PDE2A: variants seen among roughly 807,000 people sequenced by gnomAD.
The protein encoded by PDE2A is cGMP-dependent 3',5'-cyclic phosphodiesterase.
A neutral mutation model predicts 133.6 loss-of-function variants in PDE2A; 53 were observed. The ratio of observed to expected loss-of-function variants is 0.40; its 90% CI spans 0.32 to 0.50. The LOEUF (loss-of-function observed/expected upper bound fraction) is 0.50. PDE2A is among the 20% of genes least tolerant of loss of function. PDE2A has a pLI of 0.73. For missense variants in PDE2A, 796 were observed against 1,232.4 expected, an observed-to-expected ratio of 0.65 and a Z score of 5.30; for synonymous variants, 491 against 490.2, an observed-to-expected ratio of 1.00 and a Z score of -0.02.
rs3741159 is a variant in PDE2A at position 72,578,714 on chromosome 11, C to G, written c.2469+183G>C. 6.6e-5 allele frequency among the ~76,000 whole-genome samples: 10 copies of G among 152,338 alleles called. No homozygotes were observed. The East Asian group carries it at 1.9e-3, about 29-fold the overall frequency. On this transcript the variant is annotated intron_variant, in intron 28 of 30. Transcript: ENST00000334456. This position sits in a 1 kb window ranked among gnomAD's most constrained non-coding sequence, Gnocchi z 4.2. The stretch of plus-strand genomic sequence containing the variant: ...GTTGGGGCCCACCTTCCACCAGCCA[C>G]TGACTTGCTAGGTCTGTTCCCCTCT...
chr11:72,589,979 C>CT lies in PDE2A; in HGVS notation c.758_759insA (p.Gln254AlafsTer73), dbSNP rs780536684. ...AGCGGGATGCCCGGGTCTCCTGCTG[C>CT]AGCTGAGAGAGGGACAGGCAGGGCG... On this transcript the variant is annotated frameshift_variant and splice_region_variant, in exon 10 of 31. Transcript: ENST00000334456. LOFTEE classifies it high-confidence loss of function. 5 of 1,611,472 alleles carry CT rather than the reference C, an allele frequency of 3.1e-6. No individual in the cohort carries two copies. Among genetic ancestry groups the CT allele is most frequent in the African/African-American group, 1.3e-5 (1 of 74,886 alleles).
At chr11:72,644,511 A>G (rs1271269049) in intron 1 of PDE2A, among the ~76,000 whole-genome samples, 1 of 152,218 alleles carries the variant, frequency 6.6e-6, no homozygotes, top group African/African-American at 2.4e-5. Flanking sequence ...AGCATGTGTC[A>G]CTGGCTCAGT....
At chr11:72,581,214 A>G (rs2135274876) in intron 23 of PDE2A, 143 bp downstream of exon 23, 1 of 862,562 alleles carries the variant, frequency 1.2e-6, no homozygotes. Flanking sequence ...GATGGGGCTC[A>G]CAGCCTTCCC....
intron 1 of PDE2A, chr11:72,668,488 C>T (rs1399272265): frequency 1.0e-5 from 7 of 702,512 alleles, no homozygotes; most frequent in Non-Finnish European, 1.8e-5. Flanking sequence ...CTCCTACCTG[C>T]ACCCCCCAAC....
At chr11:72,585,828 T>C (rs2280098) in intron 14 of PDE2A, among the ~76,000 whole-genome samples, 60,973 of 152,210 alleles carry the variant, frequency 0.4, 14,340 homozygotes, top group Middle Eastern at 0.57. Flanking sequence ...ACGCCAGCTC[T>C]AGCTGCCTAG....
chr11:72,637,868 C>T (rs999891043), intron 2 of PDE2A, among the ~76,000 whole-genome samples: 5 of 152,146 alleles, frequency 3.3e-5, no homozygotes, highest in Non-Finnish European at 7.3e-5. Context: ...TGTAGCTTCT[C>T]GTCATTTACC....
Position 72,637,473 on chromosome 11 carries a change from A to C in PDE2A, c.144+4781T>G, listed in dbSNP as rs369409538. ...CACCTAGGAAGTCCTGGAAGTACAC[A>C]TGTGTGACTCAGACAGGAAGGGCAC... On this transcript the variant is annotated intron_variant, in intron 2 of 30. Transcript: ENST00000334456. Among the ~76,000 whole-genome samples the C allele has an allele frequency of 1.5e-4, 23 of 152,360 alleles. 1 individual carries two copies. In the South Asian group the frequency reaches 4.3e-3, roughly 29 times the overall value.
chr11:72,625,773 C>T (rs1858028022), intron 2 of PDE2A, among the ~76,000 whole-genome samples: 1 of 152,214 alleles, frequency 6.6e-6, no homozygotes, highest in Non-Finnish European at 1.5e-5. Flanking sequence ...CCTCCTAGCC[C>T]CACAGACTCC....
At chr11:72,631,166 G>A (rs377473221) in intron 2 of PDE2A, 8 of 1,525,120 alleles carry the variant, frequency 5.2e-6, no homozygotes, top group African/African-American at 2.8e-5. Context: ...GTCAGGGGCT[G>A]AGGCCGGCCA....
chr11:72,644,551 A>G (rs903436110), intron 1 of PDE2A, among the ~76,000 whole-genome samples: 6 of 152,158 alleles, frequency 3.9e-5, no homozygotes, highest in African/African-American at 1.4e-4. Context: ...TGGGTGAGAT[A>G]CAGGTGCCCG....
intron 2 of PDE2A, among the ~76,000 whole-genome samples, chr11:72,612,681 G>A (rs1478419645): frequency 7.0e-6 from 1 of 142,852 alleles, no homozygotes; most frequent in African/African-American, 2.5e-5. Flanking sequence ...AGGGATGGTG[G>A]ATGGATGGGT....
chr11:72,585,299 G>T, intron 16 of PDE2A, 72 bp downstream of exon 16: 2 of 1,264,204 alleles, frequency 1.6e-6, no homozygotes, highest in Non-Finnish European at 2.3e-6. Flanking sequence ...AAGTGGGTGG[G>T]GCAGGAAAGG....
At position 72,614,383 on chromosome 11, in the gene PDE2A, G is replaced by A. The variant is rs561161283; in HGVS notation, c.145-5632C>T. On this transcript the variant is annotated intron_variant, in intron 2 of 30. Transcript: ENST00000334456. ...AGGAGGCAAGACAGAGACCCAGAAC[G>A]CAGCTGAACTAGCCCAACTGTCAGT... 8.5e-5 allele frequency among the ~76,000 whole-genome samples: 13 copies of A among 152,306 alleles called. 1 individual carries two copies. The highest frequency in any genetic ancestry group is 2.1e-4 in the South Asian group (1 of 4,828).
In PDE2A at chr11:72,579,627, T is replaced by G; in HGVS notation, c.2182-19A>C. The G allele has an allele frequency of 6.3e-7, 1 of 1,589,108 alleles. No homozygotes were observed. On this transcript the variant is annotated intron_variant, in intron 25 of 30. Transcript: ENST00000334456. ...GGTGCCTCTGGGGGGAGAGGAGTGA[T>G]GGGGGCCCAGCTGGGGCAGATGGGC... is the stretch of plus-strand genomic sequence containing the variant.
At position 72,597,441 on chromosome 11, in the gene PDE2A, A is replaced by T. The variant is rs1591044500; in HGVS notation, c.433+69T>A. On this transcript the variant is annotated intron_variant, in intron 5 of 30. Coordinates refer to ENST00000334456, the MANE Select transcript of PDE2A (RefSeq NM_002599.5). This position sits in a 1 kb window ranked among gnomAD's most constrained non-coding sequence, Gnocchi z 4.6. ...TGAAGAGGAATAGAAGACACACATGACCTGGAGTGCAGGGGCCACAGTCCC... is the reference window on the plus strand; with the variant it reads ...TGAAGAGGAATAGAAGACACACATGTCCTGGAGTGCAGGGGCCACAGTCCC... 2 of 848,124 alleles carry T rather than the reference A, an allele frequency of 2.4e-6. No homozygotes were observed. Among genetic ancestry groups the T allele is most frequent in the East Asian group, 4.9e-5 (2 of 41,088 alleles). The allele number at this position is 848,124 out of a possible 1,614,324, so 52.5% of individuals were successfully genotyped here. A position where few individuals can be genotyped will look rare whatever the true frequency, so the allele number is the denominator to read the frequency against.
intron 2 of PDE2A, among the ~76,000 whole-genome samples, chr11:72,610,070 T>C (rs1181530575): frequency 6.6e-6 from 1 of 152,076 alleles, no homozygotes; most frequent in Admixed American, 6.6e-5. Context: ...GGAGGCGACC[T>C]ATGAAACGAG....
At chr11:72,627,594 G>A (rs1858146729) in intron 2 of PDE2A, among the ~76,000 whole-genome samples, 1 of 152,220 alleles carries the variant, frequency 6.6e-6, no homozygotes, top group East Asian at 1.9e-4. Flanking sequence ...GGGCATAAGG[G>A]GACACAAGGG....
chr11:72,661,779 T>G (rs997455272), intron 1 of PDE2A, among the ~76,000 whole-genome samples: 1 of 152,244 alleles, frequency 6.6e-6, no homozygotes. Flanking sequence ...CAAGTGCAAG[T>G]GCTTCCCTGC....
In PDE2A at chr11:72,584,584, T is replaced by C. The variant is rs1331064542; in HGVS notation, c.1504A>G (p.Ile502Val). Residue 502 changes from isoleucine (I) to valine (V), a missense_variant, in exon 18 of 31, where the codon ATC becomes GTC. By Grantham distance (29) the Ile-to-Val change is conservative. Around this residue, in one of 7 missense-constraint regions of PDE2A, gnomAD observed 218 missense variants for 465.9 expected, o/e 0.47. Coordinates refer to ENST00000334456, the MANE Select transcript of PDE2A (RefSeq NM_002599.5). Reference protein sequence around the residue: ...DDSTGFRTRNILCFPIKNENQ... With the variant: ...DDSTGFRTRNVLCFPIKNENQ... ...TCGTTCTTGATGGGGAAGCAGAGGA[T>C]GTTGCGCGTGCGGAAGCCGGTGCTG... 14 of 1,612,156 alleles carry C rather than the reference T, an allele frequency of 8.7e-6. No individual in the cohort carries two copies. Among genetic ancestry groups the C allele is most frequent in the Non-Finnish European group, 1.2e-5 (14 of 1,179,916 alleles).
Sources: gnomAD v4.1 joint callset for allele counts (sites outside exome capture counted in the v4.1 genomes callset) on GRCh38, gnomAD v4.1.1 for gene constraint, gnomAD v4.1.1 regional missense constraint, Gnocchi (gnomAD v3.1) non-coding constraint, MANE v1.5 for transcripts, NCBI Gene and HGNC (gene_info 2026-07-23, HGNC 2026-07-21) for gene names.